UNC5B: variants seen among roughly 807,000 people sequenced by gnomAD.
UNC5B encodes the protein unc-5 netrin receptor B.
Under a neutral mutation model 103.7 loss-of-function variants are expected in UNC5B, and 56 were observed. The observed-to-expected ratio is 0.54, with a 90% CI of 0.44 to 0.67. UNC5B has a LOEUF of 0.67. Ranked by LOEUF, UNC5B falls within the 30% of genes least tolerant of loss-of-function variation. The pLI is 0.00. For synonymous variants in UNC5B, 577 were observed against 542.0 expected, an observed-to-expected ratio of 1.06 and a Z score of -0.90; for missense variants, 1,194 against 1,284.5, an observed-to-expected ratio of 0.93 and a Z score of 1.08.
At chr10:71,295,466 T>C (rs945318169) in intron 13 of UNC5B, among the ~76,000 whole-genome samples, 2 of 152,198 alleles carry the variant, frequency 1.3e-5, no homozygotes, top group African/African-American at 4.8e-5. Context: ...TTCATTTATC[T>C]TTTCTTCCAT....
intron 1 of UNC5B, among the ~76,000 whole-genome samples, chr10:71,220,489 C>T (rs2132237016): frequency 6.6e-6 from 1 of 152,290 alleles, no homozygotes; most frequent in Non-Finnish European, 1.5e-5. Context: ...GGGGCCTTAG[C>T]TGCGGGTGCA....
At chr10:71,255,795 T>C (rs997606785) in intron 1 of UNC5B, among the ~76,000 whole-genome samples, 1 of 152,206 alleles carries the variant, frequency 6.6e-6, no homozygotes, top group Non-Finnish European at 1.5e-5. Context: ...CAAGCTCTGC[T>C]GAGATTTGTC....
chr10:71,291,132 G>T (rs1332515356), intron 9 of UNC5B, 23 bp downstream of exon 9: 2 of 1,601,432 alleles, frequency 1.2e-6, no homozygotes. Context: ...GGATGTCTGG[G>T]GTGGTTGGCA....
At chr10:71,297,549 T>C (rs1845473159) in intron 15 of UNC5B, among the ~76,000 whole-genome samples, 1 of 152,256 alleles carries the variant, frequency 6.6e-6, no homozygotes, top group South Asian at 2.1e-4. Context: ...ACTTGGCATG[T>C]GGCCATGAGC....
intron 1 of UNC5B, among the ~76,000 whole-genome samples, chr10:71,219,399 T>C (rs928732066): frequency 1.3e-5 from 2 of 152,180 alleles, no homozygotes; most frequent in Non-Finnish European, 2.9e-5. Context: ...ACCGAAGAAC[T>C]TCTAGTCTGA....
At chr10:71,231,573 C>T (rs1843684578) in intron 1 of UNC5B, among the ~76,000 whole-genome samples, 2 of 152,172 alleles carry the variant, frequency 1.3e-5, no homozygotes, top group Admixed American at 1.3e-4. Flanking sequence ...CAGAACGGTG[C>T]CCAGCACACG....
chr10:71,292,703 A>G, intron 11 of UNC5B, 149 bp downstream of exon 11: 4 of 679,688 alleles, frequency 5.9e-6, no homozygotes, highest in Non-Finnish European at 7.1e-6. Context: ...GAAAACTTGC[A>G]GAACCAACAC....
At chr10:71,283,500 T>G (rs1228529417) in intron 2 of UNC5B, among the ~76,000 whole-genome samples, 1 of 152,162 alleles carries the variant, frequency 6.6e-6, no homozygotes, top group Non-Finnish European at 1.5e-5. Context: ...ACCCTGTCCT[T>G]ACCCACCATG....
intron 1 of UNC5B, among the ~76,000 whole-genome samples, chr10:71,232,029 A>G (rs1340702911): frequency 6.6e-6 from 1 of 152,240 alleles, no homozygotes; most frequent in Non-Finnish European, 1.5e-5. Flanking sequence ...TGTTCCACAC[A>G]GCAAACTGAA....
rs1276595520 is a variant in UNC5B, at chr10:71,300,231, A to G, written c.*954A>G. On this transcript the variant is annotated 3_prime_UTR_variant, in exon 17 of 17. Transcript: ENST00000335350. ...GATTTAGCTGGTTAGATTTTCCTCT[A>G]AAATCTTAAGCAGATGCTGAATCCA... is the stretch of plus-strand genomic sequence containing the variant. 6.6e-6 allele frequency: 1 copy of G among 152,218 alleles called. No homozygotes were observed. Among genetic ancestry groups the G allele is most frequent in the African/African-American group, 2.4e-5 (1 of 41,448 alleles). The allele number at this position is 152,218 out of a possible 1,614,324, so 9.4% of individuals were successfully genotyped here. A position where few individuals can be genotyped will look rare whatever the true frequency, so the allele number is the denominator to read the frequency against.
intron 1 of UNC5B, among the ~76,000 whole-genome samples, chr10:71,223,766 C>G (rs1414180056): frequency 6.6e-6 from 1 of 152,214 alleles, no homozygotes; most frequent in Non-Finnish European, 1.5e-5. Flanking sequence ...TTCTCCCCAC[C>G]TTGCCTTCTT....
chr10:71,290,809 G>C, intron 8 of UNC5B, 106 bp from the exon 9 acceptor site: 2 of 1,360,182 alleles, frequency 1.5e-6, no homozygotes, highest in South Asian at 1.4e-5. Context: ...ACTCAGCACC[G>C]GGCCGGTTGG....
chr10:71,298,000 C>A lies in UNC5B; in HGVS notation c.2582C>A (p.Ser861Tyr). The change falls in exon 16 of 17, where the codon TCC becomes TAC. Residue 861 changes from serine (S) to tyrosine (Y), a missense_variant. Physicochemically the swap from Ser to Tyr is moderately radical, Grantham distance 144. Transcript: ENST00000335350. ...CCTTATGCCTTCAAGATCCCACTGT[C>A]CATCCGCCAGAAGATATGCAACAGC... ...LGPYAFKIPL[S>Y]IRQKICNSLD... The A allele has an allele frequency of 6.2e-7, 1 of 1,614,030 alleles. No individual in the cohort carries two copies. The highest frequency in any genetic ancestry group is 8.5e-7 in the Non-Finnish European group (1 of 1,180,018).
chr10:71,236,239 G>A (rs532619182), intron 1 of UNC5B, among the ~76,000 whole-genome samples: 1 of 152,340 alleles, frequency 6.6e-6, no homozygotes, highest in East Asian at 1.9e-4. Context: ...TCAGACTAGG[G>A]ACCTCAGGAC....
intron 1 of UNC5B, among the ~76,000 whole-genome samples, chr10:71,273,870 G>T (rs1844703805): frequency 6.6e-6 from 1 of 152,158 alleles, no homozygotes; most frequent in Non-Finnish European, 1.5e-5. Flanking sequence ...CCCTAGCCTG[G>T]TCACCTCACC....
chr10:71,270,889 G>A (rs1303947997), intron 1 of UNC5B, among the ~76,000 whole-genome samples: 6 of 152,170 alleles, frequency 3.9e-5, no homozygotes, highest in Admixed American at 3.3e-4. Context: ...GCCTTAGGGG[G>A]ACAGCAGCAT....
At chr10:71,288,202 T>C (rs1365312718) in intron 6 of UNC5B, among the ~76,000 whole-genome samples, 2 of 152,182 alleles carry the variant, frequency 1.3e-5, no homozygotes, top group African/African-American at 4.8e-5. Context: ...TCTGCTCCCC[T>C]ACCCCCGCAC....
intron 2 of UNC5B, among the ~76,000 whole-genome samples, chr10:71,283,068 C>T (rs1333941264): frequency 6.6e-6 from 1 of 151,956 alleles, no homozygotes; most frequent in Non-Finnish European, 1.5e-5. Context: ...TGCAGTGAGC[C>T]GAGATTGCGC....
At chr10:71,268,700 G>T (rs764086298) in intron 1 of UNC5B, among the ~76,000 whole-genome samples, 1 of 152,204 alleles carries the variant, frequency 6.6e-6, no homozygotes, top group Admixed American at 6.5e-5. Context: ...GGGGAAATTT[G>T]TGTGCCCTTG....
Sources: allele counts gnomAD v4.1 joint callset (sites outside exome capture counted in the v4.1 genomes callset), GRCh38; gene constraint gnomAD v4.1.1; transcripts MANE v1.5; gene names NCBI Gene and HGNC (gene_info 2026-07-23, HGNC 2026-07-21).